The following FAM171A1 variants were observed in gnomAD, a reference collection of about 807,000 sequenced individuals.
The protein encoded by FAM171A1 is family with sequence similarity 171 member A1.
In FAM171A1, 23 loss-of-function variants were observed where a neutral mutation model predicts 74.9. The ratio of observed to expected loss-of-function variants is 0.31; its 90% CI spans 0.22 to 0.44. FAM171A1 has a LOEUF of 0.44. FAM171A1 is among the 20% of genes least tolerant of loss of function. The pLI, the probability that FAM171A1 is intolerant of heterozygous loss-of-function variation, is 1.00. For missense variants in FAM171A1, 1,162 were observed against 1,159.2 expected, an observed-to-expected ratio of 1.00 and a Z score of -0.03; for synonymous variants, 527 against 505.7, an observed-to-expected ratio of 1.04 and a Z score of -0.57.
At chr10:15,313,816 A>G (rs1317450270) in intron 1 of FAM171A1, among the ~76,000 whole-genome samples, 3 of 152,238 alleles carry the variant, frequency 2.0e-5, no homozygotes, top group African/African-American at 7.2e-5. Flanking sequence ...AACTGCTTTA[A>G]GGTTTGCAAG....
intron 1 of FAM171A1, among the ~76,000 whole-genome samples, chr10:15,307,561 G>A (rs1169597638): frequency 6.9e-6 from 1 of 145,422 alleles, no homozygotes; most frequent in Non-Finnish European, 1.5e-5. Flanking sequence ...CAGGAGAATC[G>A]CTTGTATTCG....
intron 1 of FAM171A1, among the ~76,000 whole-genome samples, chr10:15,334,456 TA>T (rs1835677592): frequency 6.6e-6 from 1 of 152,242 alleles, no homozygotes; most frequent in Non-Finnish European, 1.5e-5. Flanking sequence ...CTTTTGTTTA[TA>T]ATCTGCAGGA....
intron 1 of FAM171A1, among the ~76,000 whole-genome samples, chr10:15,287,392 C>CTTT (rs140141279): frequency 1.5e-5 from 2 of 130,956 alleles, no homozygotes; most frequent in African/African-American, 5.6e-5. Context: ...GCGCCGGCCT[C>CTTT]TTTTTTTTTT....
intron 1 of FAM171A1, among the ~76,000 whole-genome samples, chr10:15,356,014 G>A (rs916695603): frequency 2.0e-5 from 3 of 151,906 alleles, no homozygotes. Flanking sequence ...GAGATCATTT[G>A]ATCATTTGAT....
intron 1 of FAM171A1, among the ~76,000 whole-genome samples, chr10:15,358,622 C>G (rs1835959730): frequency 6.6e-6 from 1 of 152,204 alleles, no homozygotes; most frequent in Admixed American, 6.5e-5. Flanking sequence ...TTGGACCTCC[C>G]TAAGAGCTCA....
In FAM171A1 at chr10:15,371,214, G is replaced by A. The variant is rs1298096221; in HGVS notation, c.-162C>T. 2.8e-5 allele frequency among the ~76,000 whole-genome samples: 4 copies of A among 140,482 alleles called. No homozygotes were observed. The highest frequency in any genetic ancestry group is 6.2e-5 in the Non-Finnish European group (4 of 64,088). 92.2% of individuals were successfully genotyped at this position (140,482 alleles called of 152,430 possible). On this transcript the variant is annotated 5_prime_UTR_variant, in exon 1 of 8. Coordinates refer to ENST00000378116, the MANE Select transcript of FAM171A1 (RefSeq NM_001010924.2). ...CCCGCCGCCCCGGCCGCTCCCTCCC[G>A]CGCCCCGCGCCGGGTTTCCCCGAAG...
chr10:15,287,091 C>CTTTT (rs145921203), intron 1 of FAM171A1, among the ~76,000 whole-genome samples: 31 of 129,504 alleles, frequency 2.4e-4, no homozygotes, highest in African/African-American at 2.6e-4. Flanking sequence ...TTTTCTTCTT[C>CTTTT]TTTTTTTTTT....
At position 15,212,987 on chromosome 10, in the gene FAM171A1, G is replaced by GTCA. The variant is rs751847910; in HGVS notation, c.2598_2600dup (p.Asp867dup). The GTCA allele has an allele frequency of 2.2e-5, 35 of 1,613,834 alleles. 1 individual carries two copies. Among genetic ancestry groups the GTCA allele is most frequent in the South Asian group, 1.6e-4 (15 of 91,060 alleles). On this transcript the variant is annotated inframe_insertion, in exon 8 of 8. Coordinates refer to ENST00000378116, the MANE Select transcript of FAM171A1 (RefSeq NM_001010924.2). Reference sequence around the variant, plus strand: ...AGGGGCTTTTCTTGTCTTCTCCTTGGTCATCATCATCATCGTCTTCCTCTT... The same window carrying GTCA: ...AGGGGCTTTTCTTGTCTTCTCCTTGGTCATCATCATCATCATCGTCTTCCTCTT...
chr10:15,247,589 C>T (rs975707281), intron 5 of FAM171A1, among the ~76,000 whole-genome samples: 2 of 152,108 alleles, frequency 1.3e-5, no homozygotes, highest in African/African-American at 4.8e-5. Flanking sequence ...GTCTGTGTGA[C>T]CAACAGCCTA....
intron 1 of FAM171A1, among the ~76,000 whole-genome samples, chr10:15,325,693 A>T (rs1351705443): frequency 6.6e-6 from 1 of 152,102 alleles, no homozygotes; most frequent in Non-Finnish European, 1.5e-5. Flanking sequence ...AAATCCTGGC[A>T]TGGACATCCC....
chr10:15,293,063 T>C (rs1835121385), intron 1 of FAM171A1, among the ~76,000 whole-genome samples: 1 of 152,266 alleles, frequency 6.6e-6, no homozygotes, highest in African/African-American at 2.4e-5. Context: ...ATAACTCATA[T>C]GTTTATTATT....
At chr10:15,308,931 G>T (rs1409580737) in intron 1 of FAM171A1, among the ~76,000 whole-genome samples, 1 of 152,002 alleles carries the variant, frequency 6.6e-6, no homozygotes, top group African/African-American at 2.4e-5. Context: ...CTCCCAGTAT[G>T]CTGGGATTAC....
chr10:15,307,366 C>T (rs1178725663), intron 1 of FAM171A1, among the ~76,000 whole-genome samples: 6 of 152,020 alleles, frequency 3.9e-5, no homozygotes, highest in Admixed American at 2.6e-4. Flanking sequence ...GACTTGAGGC[C>T]GGGTGCAGTG....
intron 6 of FAM171A1, among the ~76,000 whole-genome samples, chr10:15,219,053 C>T (rs891325625): frequency 1.3e-4 from 19 of 151,982 alleles, no homozygotes; most frequent in Middle Eastern, 3.2e-3. Flanking sequence ...GAGGCTGAGG[C>T]GGGGGGATCA....
intron 3 of FAM171A1, among the ~76,000 whole-genome samples, chr10:15,273,483 T>C (rs1834854040): frequency 6.6e-6 from 1 of 152,176 alleles, no homozygotes; most frequent in Admixed American, 6.5e-5. Context: ...GCTGGTACCA[T>C]TCCTTGTAAA....
intron 3 of FAM171A1, among the ~76,000 whole-genome samples, chr10:15,260,373 A>G (rs1834640207): frequency 6.6e-6 from 1 of 152,166 alleles, no homozygotes; most frequent in African/African-American, 2.4e-5. Flanking sequence ...GGAATCACTT[A>G]GCTCCAGGTT....
At chr10:15,218,097 T>C (rs1833989873) in intron 6 of FAM171A1, among the ~76,000 whole-genome samples, 1 of 152,096 alleles carries the variant, frequency 6.6e-6, no homozygotes, top group Admixed American at 6.6e-5. Flanking sequence ...TGTTTTGTTT[T>C]GAGATGGAGT....
chr10:15,273,464 C>A (rs572362961), intron 3 of FAM171A1, among the ~76,000 whole-genome samples: 14 of 152,274 alleles, frequency 9.2e-5, no homozygotes, highest in East Asian at 3.9e-4. Context: ...ACAAGAGCTA[C>A]AAAGAGGAGC....
At chr10:15,345,295 A>G (rs1835805629) in intron 1 of FAM171A1, among the ~76,000 whole-genome samples, 1 of 152,184 alleles carries the variant, frequency 6.6e-6, no homozygotes, top group Non-Finnish European at 1.5e-5. Flanking sequence ...AGCAATTGCA[A>G]TCTGGGGCGG....
Sources: gnomAD v4.1 joint callset for allele counts (sites outside exome capture counted in the v4.1 genomes callset) on GRCh38, gnomAD v4.1.1 for gene constraint, MANE v1.5 for transcripts, NCBI Gene and HGNC (gene_info 2026-07-23, HGNC 2026-07-21) for gene names.